Variants in ANK1 observed in about 807,000 individuals in gnomAD.
The protein encoded by ANK1 is ankyrin-1.
A neutral mutation model predicts 210.4 loss-of-function variants in ANK1; 51 were observed. That is an observed-to-expected ratio of 0.24 (90% CI 0.19 to 0.31). The LOEUF is 0.31. Among genes scored for constraint, ANK1 ranks in the 10% least tolerant of loss-of-function variants. ANK1 has a pLI of 1.00. For missense variants in ANK1, 2,051 were observed against 2,504.4 expected, an observed-to-expected ratio of 0.82 and a Z score of 3.86; for synonymous variants, 967 against 1,025.9, an observed-to-expected ratio of 0.94 and a Z score of 1.10.
chr8:41,763,873 C>CT (rs1427763122), intron 1 of ANK1, among the ~76,000 whole-genome samples: 4 of 56,792 alleles, frequency 7.0e-5, no homozygotes, highest in Non-Finnish European at 1.1e-4. Flanking sequence ...TTTCTTCTTT[C>CT]TTTTTTTCTT....
At position 41,655,803 on chromosome 8, in the gene ANK1, G is replaced by A. The variant is rs139304430; in HGVS notation, c.*37-50C>T. ...GTCACTTAGAATGCAAAAGTGCAAC[G>A]TCCAGCAAAAACCCCACACACAGAG... is the stretch of plus-strand genomic sequence containing the variant. On this transcript the variant is annotated intron_variant, in intron 42 of 42. Transcript: ENST00000289734. 4.4e-4 allele frequency: 706 copies of A among 1,593,460 alleles called. 4 individuals carry two copies. Among genetic ancestry groups the A allele is most frequent in the African/African-American group, 3.0e-3 (222 of 74,562 alleles).
chr8:41,846,257 T>C (rs1810036581), intron 1 of ANK1, among the ~76,000 whole-genome samples: 1 of 152,240 alleles, frequency 6.6e-6, no homozygotes, highest in Non-Finnish European at 1.5e-5. Context: ...TCCAGGGTCC[T>C]GCCGCAAAGC....
chr8:41,774,157 C>A (rs886547936), intron 1 of ANK1, among the ~76,000 whole-genome samples: 2 of 152,050 alleles, frequency 1.3e-5, no homozygotes, highest in African/African-American at 4.8e-5. Flanking sequence ...TTCTCATCTC[C>A]GCTCAACTCA....
chr8:41,781,202 G>C (rs1357189750), intron 1 of ANK1, among the ~76,000 whole-genome samples: 1 of 152,164 alleles, frequency 6.6e-6, no homozygotes, highest in Non-Finnish European at 1.5e-5. Context: ...TGCTGGTGAT[G>C]TGGAGTGGGT....
At chr8:41,701,506 GC>G (rs1315981983) in intron 22 of ANK1, 43 bp downstream of exon 22, 2 of 1,593,172 alleles carry the variant, frequency 1.3e-6, no homozygotes, top group African/African-American at 2.7e-5. Flanking sequence ...GGTGCCCGGA[GC>G]CCCTCTGTCC....
In ANK1 at chr8:41,655,682, T is replaced by C; in HGVS notation, c.*108A>G. On this transcript the variant is annotated 3_prime_UTR_variant, in exon 43 of 43. Coordinates refer to ENST00000289734, the MANE Select transcript of ANK1 (RefSeq NM_000037.4). ...AATGTGTGCACCGCTGCGGTGGCCC[T>C]CAGGTCCAGCTCTCCTCCTGTGTGC... 3 of 1,609,666 alleles carry C rather than the reference T, an allele frequency of 1.9e-6. No individual in the cohort carries two copies. Among genetic ancestry groups the C allele is most frequent in the Non-Finnish European group, 2.6e-6 (3 of 1,176,198 alleles).
chr8:41,672,735 C>T lies in ANK1; in HGVS notation c.4715G>A (p.Gly1572Asp). 6.2e-7 allele frequency: 1 copy of T among 1,605,866 alleles called. No homozygotes were observed. The highest frequency in any genetic ancestry group is 2.2e-5 in the East Asian group (1 of 44,750). ...EMSDMQVWSA[G>D]LTPSLVTAED... The stretch of plus-strand genomic sequence containing the variant: ...AGCAGTGACCAGAGAAGGCGTGAGG[C>T]CCGCAGACCACACCTGCATGTCAGA... The change falls in exon 38 of 43, where the codon GGC becomes GAC. Residue 1572 changes from glycine to aspartate, a missense_variant. Physicochemically the swap from Gly to Asp is moderately conservative, Grantham distance 94. Coordinates refer to ENST00000289734, the MANE Select transcript of ANK1 (RefSeq NM_000037.4).
At chr8:41,699,779 C>CTTT (rs1822181643) in intron 22 of ANK1, among the ~76,000 whole-genome samples, 1 of 152,206 alleles carries the variant, frequency 6.6e-6, no homozygotes, top group South Asian at 2.1e-4. Context: ...TGAGGCTTTG[C>CTTT]AGGAGGCCAA....
intron 39 of ANK1, chr8:41,663,970 T>G: frequency 1.6e-6 from 1 of 639,680 alleles, no homozygotes; most frequent in East Asian, 3.0e-5. Flanking sequence ...GAGCTCACAA[T>G]TGTGCACTTG....
chr8:41,888,731 G>T (rs1818885944), intron 1 of ANK1, among the ~76,000 whole-genome samples: 3 of 152,222 alleles, frequency 2.0e-5, no homozygotes, highest in Non-Finnish European at 4.4e-5. Context: ...AAGTTAACCT[G>T]TTAAGAGACA....
intron 16 of ANK1, 138 bp downstream of exon 16, chr8:41,714,018 G>A (rs1463297525): frequency 1.9e-6 from 1 of 528,270 alleles, no homozygotes; most frequent in Non-Finnish European, 2.9e-6. Flanking sequence ...GTGGGAAAGT[G>A]AGGCGTGATT....
intron 18 of ANK1, among the ~76,000 whole-genome samples, chr8:41,705,658 A>C (rs1339029058): frequency 4.6e-5 from 7 of 152,168 alleles, no homozygotes; most frequent in African/African-American, 1.7e-4. Context: ...CTCCTCTCTT[A>C]AGAGTAAATA....
At chr8:41,848,966 T>C (rs12156316) in intron 1 of ANK1, among the ~76,000 whole-genome samples, 46,032 of 152,086 alleles carry the variant, frequency 0.3, 7,384 homozygotes, top group South Asian at 0.48. Flanking sequence ...CCCATCCACC[T>C]GGAGCTTGAC....
chr8:41,753,532 T>G (rs1003246575), intron 2 of ANK1, among the ~76,000 whole-genome samples: 1 of 152,260 alleles, frequency 6.6e-6, no homozygotes, highest in Non-Finnish European at 1.5e-5. Flanking sequence ...CTGTCCCAGT[T>G]GTTTATAATT....
At chr8:41,802,577 T>C (rs759731381), upstream of ANK1, among the ~76,000 whole-genome samples, 11 of 152,192 alleles carry the variant, frequency 7.2e-5, no homozygotes, top group Non-Finnish European at 1.0e-4. Context: ...ATACATTTTA[T>C]AATAAATTTT....
intron 1 of ANK1, among the ~76,000 whole-genome samples, chr8:41,778,906 C>T (rs1359804428): frequency 6.6e-6 from 1 of 152,196 alleles, no homozygotes; most frequent in African/African-American, 2.4e-5. Context: ...ATAGAGCTGA[C>T]ATTCCTATGG....
chr8:41,703,422 G>GTGTGTGTGTGTATATATATATATA (rs1286560913), intron 20 of ANK1, among the ~76,000 whole-genome samples: 1 of 53,762 alleles, frequency 1.9e-5, no homozygotes, highest in Non-Finnish European at 3.5e-5. Context: ...GTGTGTGTGT[G>GTGTGTGTGTGTATATATATATATA]TATATATATA....
Position 41,688,136 on chromosome 8 carries a change from G to A in ANK1, c.4258+20C>T, listed in dbSNP as rs780338362. 1.2e-6 allele frequency: 2 copies of A among 1,612,958 alleles called. No individual in the cohort carries two copies. The highest frequency in any genetic ancestry group is 2.2e-5 in the South Asian group (2 of 91,052). ...GGTGAGATGGACAAAGTGCTTTTCT[G>A]CCCCCAATTCCCCACTCACCTGCCC... On this transcript the variant is annotated intron_variant, in intron 35 of 42. Coordinates refer to ENST00000289734, the MANE Select transcript of ANK1 (RefSeq NM_000037.4).
intron 6 of ANK1, 92 bp from the exon 7 acceptor site, chr8:41,724,646 A>T: frequency 2.7e-6 from 3 of 1,124,344 alleles, no homozygotes; most frequent in Non-Finnish European, 3.9e-6. Flanking sequence ...AGGTGGGGCA[A>T]CAGGACTTTA....
Sources: gnomAD v4.1 joint callset for allele counts (sites outside exome capture counted in the v4.1 genomes callset) on GRCh38, gnomAD v4.1.1 for gene constraint, MANE v1.5 for transcripts, NCBI Gene and HGNC (gene_info 2026-07-23, HGNC 2026-07-21) for gene names.